Variants in GRIK1 observed in about 807,000 individuals in gnomAD.
GRIK1 encodes glutamate ionotropic receptor kainate type subunit 1.
A neutral mutation model predicts 105.7 loss-of-function variants in GRIK1; 69 were observed. The observed-to-expected ratio is 0.65, with a 90% confidence interval of 0.54 to 0.80. The LOEUF is 0.80. Ranked by LOEUF, GRIK1 falls within the 30% of genes least tolerant of loss-of-function variation. The pLI is 0.00. For synonymous variants in GRIK1, 438 were observed against 431.3 expected (o/e 1.02, Z -0.19); for missense variants, 1,109 against 1,167.3 (o/e 0.95, Z 0.73).
intron 3 of GRIK1, 129 bp from the exon 4 acceptor site, chr21:29,673,293 T>C (rs1465044792): frequency 1.8e-6 from 1 of 557,656 alleles, no homozygotes; most frequent in African/African-American, 1.9e-5. Flanking sequence ...GTTACACTCC[T>C]GACTTCCCAT....
At chr21:29,848,037 G>T (rs2068180204) in intron 1 of GRIK1, among the ~76,000 whole-genome samples, 1 of 149,332 alleles carries the variant, frequency 6.7e-6, no homozygotes, top group Non-Finnish European at 1.5e-5. Flanking sequence ...GTTACCCAGG[G>T]TTAAACGTAA....
At chr21:29,769,696 C>A (rs2065766044) in intron 1 of GRIK1, among the ~76,000 whole-genome samples, 2 of 151,930 alleles carry the variant, frequency 1.3e-5, no homozygotes, top group South Asian at 4.2e-4. Flanking sequence ...CCGGTCTATG[C>A]CCCTGTGGGA....
intron 4 of GRIK1, among the ~76,000 whole-genome samples, chr21:29,667,486 C>G (rs893860787): frequency 6.6e-6 from 1 of 152,068 alleles, no homozygotes; most frequent in African/African-American, 2.4e-5. Flanking sequence ...AAAGCAAAAG[C>G]ATGCAAATGT....
rs528490475 is a variant in GRIK1, at chr21:29,603,457, CAGT to C, written c.1099-4523_1099-4521del. On this transcript the variant is annotated intron_variant, in intron 7 of 17. Transcript: ENST00000327783. ...AAATTGAATGGCATATCTTTATGGT[CAGT>C]AGTAACACCTATTGCCACACCGGCT... Among the ~76,000 whole-genome samples the C allele has an allele frequency of 6.7e-3, 1,019 of 152,194 alleles. 11 individuals are homozygous for C. Among genetic ancestry groups the C allele is most frequent in the African/African-American group, 0.023 (956 of 41,514 alleles).
chr21:29,710,299 C>G (rs1220120922), intron 1 of GRIK1, among the ~76,000 whole-genome samples: 1 of 151,836 alleles, frequency 6.6e-6, no homozygotes, highest in Admixed American at 6.6e-5. Flanking sequence ...GCATTTTGCA[C>G]TTATTAATAA....
At chr21:29,794,667 A>T (rs2066508620) in intron 1 of GRIK1, among the ~76,000 whole-genome samples, 1 of 152,036 alleles carries the variant, frequency 6.6e-6, no homozygotes, top group Non-Finnish European at 1.5e-5. Context: ...TTATGTACTG[A>T]TTTTTCCAGG....
chr21:29,616,576 C>A (rs1236828615), intron 7 of GRIK1, among the ~76,000 whole-genome samples: 3 of 152,198 alleles, frequency 2.0e-5, no homozygotes, highest in African/African-American at 7.2e-5. Context: ...AACTCAAATA[C>A]TTTTCAGCAT....
At chr21:29,785,706 C>T (rs777962042) in intron 1 of GRIK1, among the ~76,000 whole-genome samples, 9 of 152,124 alleles carry the variant, frequency 5.9e-5, no homozygotes, top group Non-Finnish European at 1.2e-4. Context: ...CATAGATTCC[C>T]GTGGCTGCTG....
At position 29,697,514 on chromosome 21, in the gene GRIK1, G is replaced by C. The variant is rs149822730; in HGVS notation, c.119-3451C>G. Among the ~76,000 whole-genome samples, 548 of 152,106 alleles carry C rather than the reference G, an allele frequency of 3.6e-3. 3 individuals carry two copies. Among genetic ancestry groups the C allele is most frequent in the Middle Eastern group, 6.8e-3 (2 of 294 alleles). The stretch of plus-strand genomic sequence containing the variant: ...TTTTCATCAAACAGGCATTATGAAT[G>C]GTGTCATTAGCTCAAGACCCCATCA... On this transcript the variant is annotated intron_variant, in intron 1 of 17. Transcript: ENST00000327783.
chr21:29,580,781 G>C (rs529996669), intron 13 of GRIK1, among the ~76,000 whole-genome samples: 1 of 151,966 alleles, frequency 6.6e-6, no homozygotes, highest in African/African-American at 2.4e-5. Context: ...AAAAGAAATG[G>C]AGTTCTTCCA....
At chr21:29,541,575 CTTTTTT>C (rs34910439) in intron 16 of GRIK1, among the ~76,000 whole-genome samples, 73 of 96,000 alleles carry the variant, frequency 7.6e-4, no homozygotes, top group Non-Finnish European at 1.1e-3. Context: ...CACTCACGGT[CTTTTTT>C]TTTTTTTTTT....
At chr21:29,727,525 C>G (rs977896137) in intron 1 of GRIK1, among the ~76,000 whole-genome samples, 3 of 152,114 alleles carry the variant, frequency 2.0e-5, no homozygotes, top group African/African-American at 7.2e-5. Context: ...CCAGGCCACC[C>G]ATGGTGGGAA....
intron 1 of GRIK1, among the ~76,000 whole-genome samples, chr21:29,790,335 C>G (rs1372043702): frequency 1.3e-5 from 2 of 152,168 alleles, no homozygotes; most frequent in Non-Finnish European, 2.9e-5. Flanking sequence ...GTGTGAGCCA[C>G]CTCGCCTGGC....
chr21:29,826,265 T>C (rs73360371), intron 1 of GRIK1, among the ~76,000 whole-genome samples: 2,840 of 152,160 alleles, frequency 0.019, 85 homozygotes, highest in African/African-American at 0.066. Context: ...TACCTGAGAC[T>C]CTCTCTCAAT....
chr21:29,759,947 T>C (rs1352708276), intron 1 of GRIK1: 1 of 152,224 alleles, frequency 6.6e-6, no homozygotes, highest in East Asian at 1.9e-4. Context: ...CAAACCTTTC[T>C]GTAATGATAG....
chr21:29,872,439 C>T (rs530707445), intron 1 of GRIK1, among the ~76,000 whole-genome samples: 1 of 152,134 alleles, frequency 6.6e-6, no homozygotes, highest in Admixed American at 6.5e-5. Context: ...GTGATCCGCC[C>T]GCCTCTGCCT....
rs2068661534 is a variant in GRIK1 at position 29,862,111 on chromosome 21, C to G, written c.118+77272G>C. Among the ~76,000 whole-genome samples, 4 of 152,102 alleles carry G rather than the reference C, an allele frequency of 2.6e-5. No homozygotes were observed. In the South Asian group the frequency reaches 8.3e-4, roughly 32 times the overall value. ...AAGTGATTCTCCCACCTCAGCCTCC[C>G]CAGTAGCTGGGACTACAGGTGTGCA... On this transcript the variant is annotated intron_variant, in intron 1 of 17. Transcript: ENST00000327783.
intron 4 of GRIK1, among the ~76,000 whole-genome samples, chr21:29,658,080 T>C (rs1190679586): frequency 6.6e-6 from 1 of 152,180 alleles, no homozygotes; most frequent in African/African-American, 2.4e-5. Flanking sequence ...AGGGCGGTAT[T>C]GCTAGGAACC....
At chr21:29,627,599 A>G (rs1160740881) in intron 7 of GRIK1, among the ~76,000 whole-genome samples, 2 of 152,164 alleles carry the variant, frequency 1.3e-5, no homozygotes, top group South Asian at 2.1e-4. Context: ...GTGGAACTGA[A>G]GGGGCAGTCA....
Sources: gnomAD v4.1 joint callset for allele counts (sites outside exome capture counted in the v4.1 genomes callset) on GRCh38, gnomAD v4.1.1 for gene constraint, MANE v1.5 for transcripts, NCBI Gene and HGNC (gene_info 2026-07-23, HGNC 2026-07-21) for gene names.